Variants in PPIG observed in about 807,000 individuals in gnomAD.
PPIG encodes the protein peptidyl-prolyl cis-trans isomerase G.
PPIG carries 26 observed loss-of-function variants against 87.9 expected under a neutral mutation model. The ratio of observed to expected loss-of-function variants is 0.30; its 90% CI spans 0.22 to 0.41. PPIG has a LOEUF of 0.41. PPIG is among the 10% of genes least tolerant of loss of function. PPIG has a pLI of 1.00. For synonymous variants in PPIG, 308 were observed against 276.5 expected (o/e 1.11, Z -1.13); for missense variants, 722 against 879.4 (o/e 0.82, Z 2.26).
chr2:169,584,452 G>C lies in PPIG; in HGVS notation c.-108G>C. The C allele has an allele frequency of 2.1e-6, 1 of 471,080 alleles. No individual in the cohort carries two copies. Among genetic ancestry groups the C allele is most frequent in the South Asian group, 1.5e-5 (1 of 64,574 alleles). The allele number at this position is 471,080 out of a possible 1,614,324, so 29.2% of individuals were successfully genotyped here. On this transcript the variant is annotated 5_prime_UTR_variant, in exon 1 of 14. Coordinates refer to ENST00000260970, the MANE Select transcript of PPIG (RefSeq NM_004792.3). ...GGCGGTAGATTTGAAGCGCTTCAAA[G>C]GACCGGACCCAGAGAAGAGGAAAAC...
Position 169,631,849 on chromosome 2 carries a change from A to G in PPIG, c.845A>G (p.Glu282Gly). The G allele has an allele frequency of 6.2e-7, 1 of 1,613,676 alleles. No homozygotes were observed. The highest frequency in any genetic ancestry group is 8.5e-7 in the Non-Finnish European group (1 of 1,179,668). ...VRPEEIPPIP[E>G]NRFLMRKSPP... ...CCAGAAGAGATCCCTCCTATACCTG[A>G]AAATAGATTCCTAATGAGAAAAAGT... Residue 282 changes from glutamate to glycine, a missense_variant, in exon 11 of 14, where the codon GAA (glutamate) becomes GGA (glycine). Transcript: ENST00000260970.
intron 1 of PPIG, among the ~76,000 whole-genome samples, chr2:169,592,547 G>A (rs1197340996): frequency 6.6e-6 from 1 of 151,842 alleles, no homozygotes; most frequent in Non-Finnish European, 1.5e-5. Flanking sequence ...CTTGTGATCC[G>A]CACGCCTCGG....
chr2:169,605,144 G>A (rs955127902), intron 4 of PPIG, among the ~76,000 whole-genome samples: 1 of 152,086 alleles, frequency 6.6e-6, no homozygotes, highest in Admixed American at 6.5e-5. Flanking sequence ...GACCAGCCTG[G>A]CAAACATAGT....
chr2:169,626,920 G>A (rs1386412344), intron 9 of PPIG, among the ~76,000 whole-genome samples: 1 of 152,082 alleles, frequency 6.6e-6, no homozygotes, highest in Admixed American at 6.6e-5. Flanking sequence ...ATGTTGGCCA[G>A]GCTGGTCTCG....
At position 169,636,748 on chromosome 2, in the gene PPIG, T is replaced by C. The variant is rs1484535390; in HGVS notation, c.1490T>C (p.Val497Ala). The C allele has an allele frequency of 5.0e-6, 8 of 1,611,604 alleles. No individual in the cohort carries two copies. Among genetic ancestry groups the C allele is most frequent in the Middle Eastern group, 3.3e-4 (2 of 6,024 alleles). Reference sequence around the variant, plus strand: ...AGTAAAGGAAGGGATCATGAAAATGTTAAAGAAAAAGAAAAGCAGTCTGAT... The same window carrying C: ...AGTAAAGGAAGGGATCATGAAAATGCTAAAGAAAAAGAAAAGCAGTCTGAT... ...SRSKGRDHEN[V>A]KEKEKQSDSK... The change falls in exon 14 of 14, where the codon GTT becomes GCT. Residue 497 changes from valine (V) to alanine (A), a missense_variant. By Grantham distance (64) the Val-to-Ala change is moderately conservative. This residue lies in a region of PPIG where 476 missense variants were observed against 483.1 expected (regional missense o/e 0.99). Coordinates refer to ENST00000260970, the MANE Select transcript of PPIG (RefSeq NM_004792.3).
At chr2:169,605,193 G>A (rs1404247782) in intron 4 of PPIG, among the ~76,000 whole-genome samples, 1 of 152,104 alleles carries the variant, frequency 6.6e-6, no homozygotes, top group Non-Finnish European at 1.5e-5. Context: ...AATTAGCCAG[G>A]CGTGGTAGTG....
chr2:169,636,615 A>C lies in PPIG; in HGVS notation c.1357A>C (p.Lys453Gln), dbSNP rs778488332. The C allele has an allele frequency of 6.3e-7, 1 of 1,594,720 alleles. No individual in the cohort carries two copies. The highest frequency in any genetic ancestry group is 8.5e-7 in the Non-Finnish European group (1 of 1,175,368). Residue 453 changes from lysine (K) to glutamine (Q), a missense_variant, in exon 14 of 14, where the codon AAG (lysine) becomes CAG (glutamine). Transcript: ENST00000260970. ...AGATGACAAGTATAAAAACAAAGTG[A>C]AGAAAAGGGCCAAATCTAAAAGTAG... ...EKDDKYKNKV[K>Q]KRAKSKSRSK...
chr2:169,603,212 C>T (rs1685231675), intron 1 of PPIG, among the ~76,000 whole-genome samples: 2 of 152,262 alleles, frequency 1.3e-5, no homozygotes, highest in South Asian at 4.1e-4. Flanking sequence ...ATACTATTTA[C>T]ACTTAGTGCC....
At chr2:169,631,981 T>A (rs535455851) in intron 11 of PPIG, 48 bp downstream of exon 11, 2 of 1,397,270 alleles carry the variant, frequency 1.4e-6, no homozygotes, top group Non-Finnish European at 1.9e-6. Flanking sequence ...CATAGAACTT[T>A]TCTTTTTAAA....
intron 1 of PPIG, among the ~76,000 whole-genome samples, chr2:169,597,643 G>A (rs144626131): frequency 0.034 from 5,133 of 151,142 alleles, 180 homozygotes; most frequent in Admixed American, 0.098. Flanking sequence ...GACTACAGGC[G>A]TGCGCCACCA....
intron 12 of PPIG, among the ~76,000 whole-genome samples, chr2:169,633,834 C>G (rs996598923): frequency 1.5e-4 from 15 of 100,864 alleles, no homozygotes; most frequent in South Asian, 1.4e-3. Flanking sequence ...TTCCACCCCC[C>G]CCTTTTTTTT....
Position 169,636,295 on chromosome 2 carries a change from T to G in PPIG, c.1154+67T>G, listed in dbSNP as rs559142153. 1.6e-5 allele frequency: 24 copies of G among 1,499,884 alleles called. No individual in the cohort carries two copies. In the South Asian group the frequency reaches 3.4e-4, roughly 21 times the overall value. 92.9% of individuals were successfully genotyped at this position (1,499,884 alleles called of 1,614,324 possible). On this transcript the variant is annotated intron_variant, in intron 13 of 13. Transcript: ENST00000260970. ...TTTGCTTTTACTATTATACATAAAG[T>G]TATTGTCATTTTAGTTATTGCTGAA...
At chr2:169,594,341 A>T (rs1264402629) in intron 1 of PPIG, among the ~76,000 whole-genome samples, 1 of 147,586 alleles carries the variant, frequency 6.8e-6, no homozygotes, top group African/African-American at 2.5e-5. Context: ...AAAAAAACGC[A>T]TTTTATTAGT....
At chr2:169,595,834 G>C (rs969301166) in intron 1 of PPIG, among the ~76,000 whole-genome samples, 3 of 151,948 alleles carry the variant, frequency 2.0e-5, no homozygotes, top group Admixed American at 1.3e-4. Flanking sequence ...ACTGAGTTTC[G>C]CTCTTGTTGC....
intron 1 of PPIG, among the ~76,000 whole-genome samples, chr2:169,590,985 C>T (rs1000933162): frequency 1.1e-4 from 16 of 152,154 alleles, no homozygotes; most frequent in Non-Finnish European, 1.5e-4. Flanking sequence ...CCAGCCTGAG[C>T]GGCATAGCGA....
intron 1 of PPIG, among the ~76,000 whole-genome samples, chr2:169,602,516 A>T (rs1221733981): frequency 6.6e-6 from 1 of 152,080 alleles, no homozygotes; most frequent in African/African-American, 2.4e-5. Flanking sequence ...GGGTTTCACT[A>T]TGTTGGTCAG....
chr2:169,640,000 T>C lies in PPIG; in HGVS notation c.*2477T>C, dbSNP rs996354945. 6.6e-6 allele frequency: 1 copy of C among 152,134 alleles called. No homozygotes were observed. The highest frequency in any genetic ancestry group is 2.4e-5 in the African/African-American group (1 of 41,438). The allele number at this position is 152,134 out of a possible 1,614,324, so 9.4% of individuals were successfully genotyped here. On this transcript the variant is annotated 3_prime_UTR_variant, in exon 14 of 14. Coordinates refer to ENST00000260970, the MANE Select transcript of PPIG (RefSeq NM_004792.3). The stretch of plus-strand genomic sequence containing the variant: ...GCTCAATTGGTGATAGCTGAGAAAA[T>C]TTTTTCAATATGTAGAATTTTCATG...
intron 1 of PPIG, among the ~76,000 whole-genome samples, chr2:169,587,832 A>G (rs1684747099): frequency 1.3e-5 from 2 of 152,254 alleles, no homozygotes; most frequent in South Asian, 2.1e-4. Context: ...TATAAACACC[A>G]ATCTTTTATA....
At chr2:169,587,090 C>G (rs779519651) in intron 1 of PPIG, among the ~76,000 whole-genome samples, 51 of 152,012 alleles carry the variant, frequency 3.4e-4, no homozygotes, top group Non-Finnish European at 6.5e-4. Flanking sequence ...CCTGCCACCA[C>G]ACCGGGTAAT....
Sources: allele counts gnomAD v4.1 joint callset (sites outside exome capture counted in the v4.1 genomes callset), GRCh38; gene constraint gnomAD v4.1.1; regional missense constraint gnomAD v4.1.1; transcripts MANE v1.5; gene names NCBI Gene and HGNC (gene_info 2026-07-23, HGNC 2026-07-21).